Variants in TPRA1 observed in about 807,000 individuals in gnomAD.
TPRA1 encodes the protein transmembrane protein adipocyte associated 1.
A neutral mutation model predicts 40.1 loss-of-function variants in TPRA1; 28 were observed. That is an observed-to-expected ratio of 0.70 (90% CI 0.52 to 0.96). TPRA1 has a LOEUF of 0.96. Among genes scored for constraint, TPRA1 ranks in the 40% least tolerant of loss-of-function variants. The pLI, the probability that TPRA1 is intolerant of heterozygous loss-of-function variation, is 0.00. For missense variants in TPRA1, 441 were observed against 482.6 expected (o/e 0.91, Z 0.81); for synonymous variants, 219 against 209.7 (o/e 1.04, Z -0.38).
In TPRA1 at chr3:127,573,358, T is replaced by G; in HGVS notation, c.*163A>C. ...GTGAGAGCAGAGATGGCAAAGGGGA[T>G]TGGGAGCCCCAGGGAGGTGGGGCCT... On this transcript the variant is annotated 3_prime_UTR_variant, in exon 11 of 11. Coordinates refer to ENST00000355552, the MANE Select transcript of TPRA1 (RefSeq NM_001136053.4). 5.7e-6 allele frequency: 5 copies of G among 871,864 alleles called. No individual in the cohort carries two copies. The highest frequency in any genetic ancestry group is 8.5e-6 in the Non-Finnish European group (5 of 591,716). The allele number at this position is 871,864 out of a possible 1,614,324, so 54.0% of individuals were successfully genotyped here. A position where few individuals can be genotyped will look rare whatever the true frequency, so the allele number is the denominator to read the frequency against.
In TPRA1 at chr3:127,577,092, G is replaced by T. The variant is rs768611001; in HGVS notation, c.259-16C>A. ...CCACAAACACCTGGTGGGCAAGGGA[G>T]TGGTGTGGCAGTCAGGGAACAAGAG... On this transcript the variant is annotated splice_polypyrimidine_tract_variant and intron_variant, in intron 3 of 10. Transcript: ENST00000355552. 25 of 1,612,712 alleles carry T rather than the reference G, an allele frequency of 1.6e-5. No individual in the cohort carries two copies. Among genetic ancestry groups the T allele is most frequent in the Non-Finnish European group, 1.9e-5 (23 of 1,179,838 alleles).
Position 127,575,963 on chromosome 3 carries a change from C to A in TPRA1, c.586G>T (p.Val196Phe). 1 of 1,614,008 alleles carries A rather than the reference C, an allele frequency of 6.2e-7. No homozygotes were observed. Among genetic ancestry groups the A allele is most frequent in the Non-Finnish European group, 8.5e-7 (1 of 1,180,024 alleles). ...ACCAGGAAGAAGAAGCAGGAGCTGACCAGCCAGAACTGGCGGCCCCCATGG... is the reference window on the plus strand; with the variant it reads ...ACCAGGAAGAAGAAGCAGGAGCTGAACAGCCAGAACTGGCGGCCCCCATGG... ...YGHGGRQFWL[V>F]SSCFFFLVYS... The change falls in exon 7 of 11, where the codon GTC becomes TTC. Residue 196 changes from valine (V) to phenylalanine (F), a missense_variant. Coordinates refer to ENST00000355552, the MANE Select transcript of TPRA1 (RefSeq NM_001136053.4).
At chr3:127,584,720 G>A (rs928759353) in intron 1 of TPRA1, among the ~76,000 whole-genome samples, 1 of 152,188 alleles carries the variant, frequency 6.6e-6, no homozygotes, top group African/African-American at 2.4e-5. Context: ...GCTGAGACAG[G>A]CTGACAGTCC....
intron 1 of TPRA1, among the ~76,000 whole-genome samples, chr3:127,589,363 C>T (rs1459850305): frequency 3.3e-5 from 5 of 151,488 alleles, no homozygotes; most frequent in African/African-American, 7.3e-5. Flanking sequence ...GAGAGGGGCC[C>T]TCAGTGCTTC....
chr3:127,578,229 A>C (rs1351839890), intron 3 of TPRA1, among the ~76,000 whole-genome samples: 1 of 152,184 alleles, frequency 6.6e-6, no homozygotes, highest in Non-Finnish European at 1.5e-5. Flanking sequence ...GCAACAAACT[A>C]CCACACGCCT....
At chr3:127,592,969 G>C (rs1008301988), upstream of TPRA1, among the ~76,000 whole-genome samples, 4 of 152,192 alleles carry the variant, frequency 2.6e-5, no homozygotes, top group Admixed American at 6.5e-5. Context: ...GAAGGGAGGA[G>C]TTATTCATCT....
Position 127,573,672 on chromosome 3 carries a change from C to T in TPRA1, c.971G>A (p.Gly324Glu). Residue 324 changes from glycine (G) to glutamate (E), a missense_variant, in exon 11 of 11, where the codon GGG becomes GAG. Transcript: ENST00000355552. ...GCTGGCAGCTGAGGCCCCAGCAGCC[C>T]CTGCAGCCTCCAGGCCCTCCCGCCG... ...VARREGLEAA[G>E]AAGASAASYS... 1.9e-6 allele frequency: 3 copies of T among 1,613,664 alleles called. No individual in the cohort carries two copies. Among genetic ancestry groups the T allele is most frequent in the Non-Finnish European group, 2.5e-6 (3 of 1,179,980 alleles).
rs769006275 is a variant in TPRA1 at position 127,576,779 on chromosome 3, G to A, written c.418+42C>T. ...CAGCCCACAGCCAGGGAGGGGCAGG[G>A]GAGAGCATCGCCAGGGCCCAAGAGC... On this transcript the variant is annotated intron_variant, in intron 5 of 10. Coordinates refer to ENST00000355552, the MANE Select transcript of TPRA1 (RefSeq NM_001136053.4). This position sits in a 1 kb window ranked among gnomAD's most constrained non-coding sequence, Gnocchi z 4.6. The A allele has an allele frequency of 4.3e-6, 7 of 1,613,200 alleles. No homozygotes were observed. In the African/African-American group the frequency reaches 8.0e-5, roughly 18 times the overall value.
chr3:127,577,200 A>C, intron 3 of TPRA1, 124 bp from the exon 4 acceptor site: 1 of 957,830 alleles, frequency 1.0e-6, no homozygotes. Flanking sequence ...AGGAAGGCGC[A>C]AAGTCAGGGT....
chr3:127,580,801 G>A (rs1309401647), intron 1 of TPRA1, among the ~76,000 whole-genome samples: 2 of 152,272 alleles, frequency 1.3e-5, no homozygotes, highest in Non-Finnish European at 2.9e-5. Context: ...GACAAAGATG[G>A]AGGGGACACT....
At position 127,576,598 on chromosome 3, in the gene TPRA1, C is replaced by T. The variant is rs1168942888; in HGVS notation, c.498+19G>A. On this transcript the variant is annotated intron_variant, in intron 6 of 10. Transcript: ENST00000355552. This position sits in a 1 kb window ranked among gnomAD's most constrained non-coding sequence, Gnocchi z 4.6. ...GTGCCCTGACTCCTAGCGTCCCCTG[C>T]CCACACTCACCCTCTTACCTGGGTG... The T allele has an allele frequency of 1.3e-6, 2 of 1,576,696 alleles. No homozygotes were observed. The highest frequency in any genetic ancestry group is 8.6e-7 in the Non-Finnish European group (1 of 1,159,324).
rs201325091 is a variant in TPRA1, at chr3:127,579,844, T to C, written c.154A>G (p.Ile52Val). The change falls in exon 3 of 11, where the codon ATC becomes GTC. Residue 52 changes from isoleucine to valine, a missense_variant. By Grantham distance (29) the Ile-to-Val change is conservative. Transcript: ENST00000355552. ...AAGATGAGGAAGAGCACATTGGGGA[T>C]GAGCAGCAAGAGGTCCCAGTACCGG... ...RVRYWDLLLL[I>V]PNVLFLIFLL... 5.0e-6 allele frequency: 8 copies of C among 1,613,896 alleles called. No individual in the cohort carries two copies. The African/African-American group carries it at 8.0e-5, about 16-fold the overall frequency.
upstream of TPRA1, among the ~76,000 whole-genome samples, chr3:127,592,521 G>A (rs955521969): frequency 7.3e-5 from 11 of 151,410 alleles, no homozygotes. Context: ...GAGTAGCTGG[G>A]ACTACAGGCG....
At chr3:127,580,243 G>T in intron 1 of TPRA1, 80 bp from the exon 2 acceptor site, 1 of 1,489,852 alleles carries the variant, frequency 6.7e-7, no homozygotes, top group Non-Finnish European at 9.0e-7. Flanking sequence ...ACTCCCAGGG[G>T]AAAATCAGAG....
In TPRA1 at chr3:127,580,075, G is replaced by T; in HGVS notation, c.72C>A (p.Ile24=). Residue 24 remains isoleucine, a synonymous_variant, in exon 2 of 11, where the codon ATC becomes ATA. Transcript: ENST00000355552. ...GCAGCAGGCAGCGATGAGGCACACT[G>T]ATGTTTGGTGCCAGGGGTGGGGGTA... ...TALPPPLAPN[I]SVPHRCLLLL... is the part of the protein sequence containing the mutation. 1 of 1,613,948 alleles carries T rather than the reference G, an allele frequency of 6.2e-7. No homozygotes were observed. Among genetic ancestry groups the T allele is most frequent in the South Asian group, 1.1e-5 (1 of 91,090 alleles).
At chr3:127,594,420 C>A (rs1366421476), upstream of TPRA1, among the ~76,000 whole-genome samples, 2 of 152,168 alleles carry the variant, frequency 1.3e-5, no homozygotes, top group Admixed American at 6.5e-5. Context: ...GTGGGAAAAA[C>A]CACAAAGTAG....
At chr3:127,588,524 G>A (rs1002708142) in intron 1 of TPRA1, among the ~76,000 whole-genome samples, 10 of 151,202 alleles carry the variant, frequency 6.6e-5, no homozygotes, top group Admixed American at 2.6e-4. Flanking sequence ...GGATTCAAGC[G>A]ATTCTCCCGC....
intron 1 of TPRA1, among the ~76,000 whole-genome samples, chr3:127,588,895 C>T (rs1374478294): frequency 6.6e-6 from 1 of 152,186 alleles, no homozygotes; most frequent in Non-Finnish European, 1.5e-5. Context: ...CCTCAGCCTT[C>T]TCTACTTAGT....
upstream of TPRA1, chr3:127,594,767 G>C (rs1361702016): frequency 3.9e-5 from 6 of 152,314 alleles, no homozygotes; most frequent in African/African-American, 1.4e-4. Flanking sequence ...GATCACAGCT[G>C]AGCTGGCTCA....
Sources: allele counts gnomAD v4.1 joint callset (sites outside exome capture counted in the v4.1 genomes callset), GRCh38; gene constraint gnomAD v4.1.1; non-coding constraint Gnocchi (gnomAD v3.1); transcripts MANE v1.5; gene names NCBI Gene and HGNC (gene_info 2026-07-23, HGNC 2026-07-21).